Variants in CDKL5 observed in about 807,000 individuals in gnomAD.
The protein encoded by CDKL5 is cyclin-dependent kinase-like 5.
In CDKL5, 8 loss-of-function variants were observed where a neutral mutation model predicts 61.7. The observed-to-expected ratio is 0.13, with a 90% CI of 0.08 to 0.23. The LOEUF is 0.23. Ranked by LOEUF, CDKL5 falls within the 10% of genes least tolerant of loss-of-function variation. CDKL5 has a pLI of 1.00. For missense variants in CDKL5, 440 were observed against 734.5 expected (o/e 0.60, Z 4.63); for synonymous variants, 275 against 272.3 (o/e 1.01, Z -0.10).
Position 18,575,457 on chromosome X carries a change from A to G in CDKL5, c.249A>G (p.Gly83=), listed in dbSNP as rs764954859. Reference sequence around the variant, plus strand: ...TGAAGGAAGCATTTCGTCGGAGGGGAAAGTTGTACTTGGTGTTTGAGTATG... The same window carrying G: ...TGAAGGAAGCATTTCGTCGGAGGGGGAAGTTGTACTTGGTGTTTGAGTATG... ...VELKEAFRRR[G]KLYLVFEYVE... Residue 83 remains glycine (G), a synonymous_variant, in exon 5 of 18, where the codon GGA becomes GGG. Coordinates refer to ENST00000623535, the MANE Select transcript of CDKL5 (RefSeq NM_001323289.2). 8.3e-6 allele frequency: 10 copies of G among 1,210,093 alleles called. No homozygotes were observed. In the East Asian group the frequency reaches 2.4e-4, roughly 29 times the overall value.
intron 1 of CDKL5, among the ~76,000 whole-genome samples, chrX:18,462,016 T>C (rs2147646927): frequency 9.0e-6 from 1 of 110,867 alleles, no homozygotes; most frequent in East Asian, 2.8e-4. Flanking sequence ...TGGCCCAGGA[T>C]GGCTTTGAAT....
intron 1 of CDKL5, among the ~76,000 whole-genome samples, chrX:18,505,970 T>C (rs774744398): frequency 1.2e-4 from 14 of 113,086 alleles, no homozygotes; most frequent in Non-Finnish European, 2.4e-4. Context: ...CTACATTTAT[T>C]ATTTGGAATT....
intron 3 of CDKL5, among the ~76,000 whole-genome samples, chrX:18,542,047 C>A (rs895132528): frequency 1.8e-5 from 2 of 111,719 alleles, no homozygotes; most frequent in African/African-American, 6.5e-5. Flanking sequence ...CTACTGAAAC[C>A]TGGACATTTT....
At chrX:18,426,289 C>G (rs1931366361) in intron 1 of CDKL5, 1 of 113,117 alleles carries the variant, frequency 8.8e-6, no homozygotes, top group African/African-American at 3.2e-5. Context: ...CTGTGAAGTT[C>G]ACGACTGGCA....
rs1348103497 is a variant in CDKL5 at position 18,509,195 on chromosome X, A to ACGCACGCGCGCG, written c.65-1620_65-1619insGCGCGCGCGCAC. 2.3e-4 allele frequency among the ~76,000 whole-genome samples: 15 copies of ACGCACGCGCGCG among 64,691 alleles called. 1 individual carries two copies. In the East Asian group the frequency reaches 5.4e-3, roughly 23 times the overall value. 56.2% of individuals were successfully genotyped at this position (64,691 alleles called of 115,157 possible). On this transcript the variant is annotated intron_variant, in intron 2 of 17. Transcript: ENST00000623535. The stretch of plus-strand genomic sequence containing the variant: ...TGAGAGAGCGAGACTGTCTCAAAAC[A>ACGCACGCGCGCG]CGCACACACACACACACACACACAC...
At chrX:18,514,901 C>T (rs1922960090) in intron 3 of CDKL5, among the ~76,000 whole-genome samples, 1 of 109,842 alleles carries the variant, frequency 9.1e-6, no homozygotes, top group South Asian at 4.0e-4. Flanking sequence ...TGGGTTCAAG[C>T]GATTCTTGTG....
chrX:18,604,228 A>C lies in CDKL5; in HGVS notation c.1304A>C (p.Lys435Thr), dbSNP rs759005252. 4.1e-6 allele frequency: 5 copies of C among 1,211,974 alleles called. No individual in the cohort carries two copies. The South Asian group carries it at 8.8e-5, about 21-fold the overall frequency. Residue 435 changes from lysine (K) to threonine (T), a missense_variant, in exon 12 of 18, where the codon AAG (lysine) becomes ACG (threonine). Transcript: ENST00000623535. Reference sequence around the variant, plus strand: ...GAAGGCCCAGGGACAAAGTACCTCAAGTCAAACAGCAGATCTCAGCAGAAC... The same window carrying C: ...GAAGGCCCAGGGACAAAGTACCTCACGTCAAACAGCAGATCTCAGCAGAAC... ...PSEGPGTKYL[K>T]SNSRSQQNRH...
At chrX:18,525,890 G>A (rs934712463) in intron 3 of CDKL5, among the ~76,000 whole-genome samples, 1 of 109,890 alleles carries the variant, frequency 9.1e-6, no homozygotes, top group Non-Finnish European at 1.9e-5. Flanking sequence ...GGGATTGCAG[G>A]CTCCCACCAC....
At chrX:18,427,771 C>T (rs186344194) in intron 1 of CDKL5, among the ~76,000 whole-genome samples, 201 of 111,089 alleles carry the variant, frequency 1.8e-3, no homozygotes, top group African/African-American at 6.2e-3. Context: ...TCCTTTTTTC[C>T]TGGCTCAGTC....
chrX:18,628,900 T>C lies in CDKL5; in HGVS notation c.*143T>C. 1.9e-6 allele frequency: 2 copies of C among 1,065,636 alleles called. No individual in the cohort carries two copies. Among genetic ancestry groups the C allele is most frequent in the South Asian group, 2.7e-5 (1 of 37,284 alleles). 87.8% of individuals were successfully genotyped at this position (1,065,636 alleles called of 1,213,427 possible). On this transcript the variant is annotated 3_prime_UTR_variant, in exon 18 of 18. Coordinates refer to ENST00000623535, the MANE Select transcript of CDKL5 (RefSeq NM_001323289.2). The stretch of plus-strand genomic sequence containing the variant: ...GAAGGTGTGTGCAATATTGCATGTG[T>C]TGGGGCCGTTGAGCTCCTCGCGGCC...
downstream of CDKL5, among the ~76,000 whole-genome samples, chrX:18,642,459 G>A (rs1350665880): frequency 1.2e-4 from 13 of 111,079 alleles, no homozygotes; most frequent in East Asian, 3.4e-3. Flanking sequence ...TCAAGTGGCC[G>A]CCATATTGGA....
chrX:18,552,949 G>A (rs746558680), intron 3 of CDKL5, among the ~76,000 whole-genome samples: 148 of 111,335 alleles, frequency 1.3e-3, no homozygotes, highest in Non-Finnish European at 2.2e-3. Flanking sequence ...AAGGGGAATG[G>A]TGGAGCTTGA....
At chrX:18,509,195 ACG>A (rs1209744204) in intron 2 of CDKL5, among the ~76,000 whole-genome samples, 2 of 64,689 alleles carry the variant, frequency 3.1e-5, no homozygotes, top group African/African-American at 6.6e-5. Context: ...GTCTCAAAAC[ACG>A]CACACACACA....
In CDKL5 at chrX:18,625,208, G is replaced by A; in HGVS notation, c.2457G>A (p.Lys819=). The A allele has an allele frequency of 8.3e-7, 1 of 1,208,848 alleles. No homozygotes were observed. Among genetic ancestry groups the A allele is most frequent in the Non-Finnish European group, 1.1e-6 (1 of 894,236 alleles). ...HSASTPSSRP[K]EWRPEKISDL... Reference sequence around the variant, plus strand: ...CTAGCACTCCAAGCAGCAGACCAAAGGAGTGGCGCCCCGAGAAGATCTCAG... The same window carrying A: ...CTAGCACTCCAAGCAGCAGACCAAAAGAGTGGCGCCCCGAGAAGATCTCAG... Residue 819 remains lysine, a synonymous_variant, in exon 17 of 18, where the codon AAG becomes AAA. Transcript: ENST00000623535.
At chrX:18,463,441 A>C (rs1033651202) in intron 1 of CDKL5, among the ~76,000 whole-genome samples, 2 of 112,141 alleles carry the variant, frequency 1.8e-5, no homozygotes, top group African/African-American at 6.5e-5. Flanking sequence ...TTGAGTATAC[A>C]TTTGTTTCTT....
chrX:18,631,217 T>C lies in CDKL5; in HGVS notation c.*2460T>C, dbSNP rs1927227130. ...CTACCTAGAGCAAAGTAAACCTAATTGTTGAAGAGTCAATACGTACTTTTT... is the reference window on the plus strand; with the variant it reads ...CTACCTAGAGCAAAGTAAACCTAATCGTTGAAGAGTCAATACGTACTTTTT... On this transcript the variant is annotated 3_prime_UTR_variant, in exon 18 of 18. Transcript: ENST00000623535. The C allele has an allele frequency of 1.3e-6, 1 of 750,472 alleles. No individual in the cohort carries two copies. The highest frequency in any genetic ancestry group is 1.6e-6 in the Non-Finnish European group (1 of 637,380). The allele number at this position is 750,472 out of a possible 1,213,427, so 61.8% of individuals were successfully genotyped here.
intron 3 of CDKL5, among the ~76,000 whole-genome samples, chrX:18,531,250 C>A (rs1231078453): frequency 8.9e-6 from 1 of 112,214 alleles, no homozygotes; most frequent in African/African-American, 3.2e-5. Flanking sequence ...AACATTCTGG[C>A]CTTATTTCAA....
Position 18,636,595 on chromosome X carries a change from G to A in CDKL5, c.*7838G>A, listed in dbSNP as rs1308344281. 1 of 110,481 alleles carries A rather than the reference G, an allele frequency of 9.1e-6. No homozygotes were observed. Among genetic ancestry groups the A allele is most frequent in the African/African-American group, 3.3e-5 (1 of 30,387 alleles). The allele number at this position is 110,481 out of a possible 1,213,427, so 9.1% of individuals were successfully genotyped here. A position where few individuals can be genotyped will look rare whatever the true frequency, so the allele number is the denominator to read the frequency against. On this transcript the variant is annotated 3_prime_UTR_variant, in exon 18 of 18. Coordinates refer to ENST00000623535, the MANE Select transcript of CDKL5 (RefSeq NM_001323289.2). ...TGGTAATGTGGTCACAATCAGTATTGTTTCTCTTTAGTAATTCAGATTTAT... is the reference window on the plus strand; with the variant it reads ...TGGTAATGTGGTCACAATCAGTATTATTTCTCTTTAGTAATTCAGATTTAT...
chrX:18,543,529 T>C (rs1924095671), intron 3 of CDKL5, among the ~76,000 whole-genome samples: 1 of 111,246 alleles, frequency 9.0e-6, no homozygotes, highest in Non-Finnish European at 1.9e-5. Context: ...CTGCTCCATC[T>C]TGACCAGAAT....
Sources: allele counts gnomAD v4.1 joint callset (sites outside exome capture counted in the v4.1 genomes callset), GRCh38; gene constraint gnomAD v4.1.1; transcripts MANE v1.5; gene names NCBI Gene and HGNC (gene_info 2026-07-23, HGNC 2026-07-21).